Variants in APPBP2 observed in about 807,000 individuals in gnomAD.
The protein encoded by APPBP2 is amyloid protein-binding protein 2.
APPBP2 carries 15 observed loss-of-function variants against 76.0 expected under a neutral mutation model. That is an observed-to-expected ratio of 0.20 (90% CI 0.13 to 0.30). APPBP2 has a LOEUF of 0.30. APPBP2 is among the 10% of genes least tolerant of loss of function. The pLI, the probability that APPBP2 is intolerant of heterozygous loss-of-function variation, is 1.00. For synonymous variants in APPBP2, 222 were observed against 242.2 expected (o/e 0.92, Z 0.77); for missense variants, 401 against 687.2 (o/e 0.58, Z 4.66).
intron 3 of APPBP2, among the ~76,000 whole-genome samples, chr17:60,485,949 G>A (rs146690710): frequency 0.031 from 4,712 of 152,118 alleles, 98 homozygotes; most frequent in African/African-American, 0.056. Flanking sequence ...CCTTCATTTC[G>A]TTATTTACCC....
At chr17:60,511,430 C>T (rs1053426709) in intron 1 of APPBP2, among the ~76,000 whole-genome samples, 9 of 151,812 alleles carry the variant, frequency 5.9e-5, no homozygotes, top group African/African-American at 1.9e-4. Context: ...ACTAAAAATA[C>T]AAAAATTAGC....
chr17:60,508,762 A>G (rs1225258247), intron 1 of APPBP2, among the ~76,000 whole-genome samples: 1 of 152,098 alleles, frequency 6.6e-6, no homozygotes, highest in Non-Finnish European at 1.5e-5. Flanking sequence ...TGATTTACAG[A>G]CCCCAAACTC....
intron 9 of APPBP2, among the ~76,000 whole-genome samples, chr17:60,459,078 AGTTCT>A (rs534378767): frequency 1.3e-3 from 200 of 152,168 alleles, no homozygotes; most frequent in Non-Finnish European, 2.3e-3. Flanking sequence ...GCCAAAAAAA[AGTTCT>A]GTTAACTAAA....
chr17:60,463,033 T>C (rs1381830784), intron 6 of APPBP2, among the ~76,000 whole-genome samples: 1 of 152,072 alleles, frequency 6.6e-6, no homozygotes, highest in African/African-American at 2.4e-5. Context: ...TTCAATTATT[T>C]CAATTAATTA....
chr17:60,472,395 C>T (rs550962150), intron 4 of APPBP2, among the ~76,000 whole-genome samples: 3 of 151,972 alleles, frequency 2.0e-5, no homozygotes, highest in African/African-American at 4.8e-5. Flanking sequence ...GTAAATTGTC[C>T]ATTTCTAAAA....
chr17:60,488,169 G>C (rs954209393), intron 3 of APPBP2, among the ~76,000 whole-genome samples: 20 of 152,292 alleles, frequency 1.3e-4, no homozygotes, highest in Admixed American at 1.0e-3. Flanking sequence ...GGCTACACGG[G>C]GGTCAGGGAC....
At chr17:60,449,165 G>A (rs976439798) in intron 12 of APPBP2, among the ~76,000 whole-genome samples, 4 of 152,182 alleles carry the variant, frequency 2.6e-5, no homozygotes, top group Non-Finnish European at 4.4e-5. Context: ...TTTTCACAGC[G>A]GTATGGGTTA....
chr17:60,525,694 G>A (rs1035491491), intron 1 of APPBP2, 100 bp downstream of exon 1: 1 of 1,549,892 alleles, frequency 6.5e-7, no homozygotes, highest in Admixed American at 1.9e-5. Context: ...AAGTCTGCCG[G>A]AAGGGGTGAG....
intron 1 of APPBP2, among the ~76,000 whole-genome samples, chr17:60,518,147 T>C (rs952950134): frequency 1.3e-5 from 2 of 150,574 alleles, no homozygotes; most frequent in Non-Finnish European, 2.9e-5. Context: ...AACCTCCGCA[T>C]CCTGGGCTCA....
chr17:60,487,408 C>T (rs1043795251), intron 3 of APPBP2, among the ~76,000 whole-genome samples: 1 of 152,098 alleles, frequency 6.6e-6, no homozygotes, highest in Non-Finnish European at 1.5e-5. Context: ...ACTCTCTTTT[C>T]TCTAAACTTC....
intron 1 of APPBP2, among the ~76,000 whole-genome samples, chr17:60,517,759 A>G (rs1281063617): frequency 1.3e-5 from 2 of 152,154 alleles, no homozygotes; most frequent in Non-Finnish European, 2.9e-5. Context: ...TGCCAATACC[A>G]TATTACCTTA....
At chr17:60,504,136 A>G (rs749723829) in intron 1 of APPBP2, among the ~76,000 whole-genome samples, 2 of 151,636 alleles carry the variant, frequency 1.3e-5, no homozygotes, top group African/African-American at 2.4e-5. Context: ...GATTTTTAAA[A>G]CTTATTTTAG....
intron 12 of APPBP2, among the ~76,000 whole-genome samples, chr17:60,449,100 G>A (rs1253498453): frequency 6.6e-6 from 1 of 152,100 alleles, no homozygotes; most frequent in Non-Finnish European, 1.5e-5. Context: ...CTACCTTCGG[G>A]CTAGAGAAAA....
intron 1 of APPBP2, among the ~76,000 whole-genome samples, chr17:60,510,573 A>G (rs2090903747): frequency 6.6e-6 from 1 of 151,438 alleles, no homozygotes; most frequent in South Asian, 2.1e-4. Context: ...AAAAAAAAAA[A>G]TTGGCCAAGC....
At chr17:60,503,964 A>C (rs2090844217) in intron 1 of APPBP2, among the ~76,000 whole-genome samples, 1 of 152,194 alleles carries the variant, frequency 6.6e-6, no homozygotes, top group Non-Finnish European at 1.5e-5. Flanking sequence ...AGATAATATA[A>C]AAGGAAATTT....
At position 60,506,456 on chromosome 17, in the gene APPBP2, T is replaced by C. The variant is rs369955979; in HGVS notation, c.139-5969A>G. 4.6e-5 allele frequency among the ~76,000 whole-genome samples: 7 copies of C among 152,340 alleles called. No individual in the cohort carries two copies. The South Asian group carries it at 1.2e-3, about 27-fold the overall frequency. On this transcript the variant is annotated intron_variant, in intron 1 of 12. Coordinates refer to ENST00000083182, the MANE Select transcript of APPBP2 (RefSeq NM_006380.5). Reference sequence around the variant, plus strand: ...CATGATTCTTTGCCTGGTTAGTTTATAACTCATCCAAATCCTCTCAACTAC... The same window carrying C: ...CATGATTCTTTGCCTGGTTAGTTTACAACTCATCCAAATCCTCTCAACTAC...
chr17:60,478,329 A>G (rs958194493), intron 4 of APPBP2, among the ~76,000 whole-genome samples: 2 of 152,218 alleles, frequency 1.3e-5, no homozygotes, highest in Non-Finnish European at 2.9e-5. Flanking sequence ...GCAGAAAAAA[A>G]TAAGGACAAT....
chr17:60,507,727 CT>C (rs561382264), intron 1 of APPBP2, among the ~76,000 whole-genome samples: 2 of 152,176 alleles, frequency 1.3e-5, no homozygotes, highest in Non-Finnish European at 2.9e-5. Context: ...AAATTTGATA[CT>C]TTGGGAAAAA....
At chr17:60,499,933 G>T (rs1417429356) in intron 2 of APPBP2, among the ~76,000 whole-genome samples, 2 of 152,036 alleles carry the variant, frequency 1.3e-5, no homozygotes, top group Non-Finnish European at 2.9e-5. Flanking sequence ...TTACTATTTA[G>T]TGGGTAAGGA....
Sources: allele counts gnomAD v4.1 joint callset (sites outside exome capture counted in the v4.1 genomes callset), GRCh38; gene constraint gnomAD v4.1.1; transcripts MANE v1.5; gene names NCBI Gene and HGNC (gene_info 2026-07-23, HGNC 2026-07-21).